The following CTTNBP2 variants were observed in gnomAD, a reference collection of about 807,000 sequenced individuals.
The protein encoded by CTTNBP2 is cortactin binding protein 2.
A neutral mutation model predicts 156.9 loss-of-function variants in CTTNBP2; 108 were observed. The ratio of observed to expected loss-of-function variants is 0.69; its 90% CI spans 0.59 to 0.81. CTTNBP2 has a LOEUF of 0.81. Ranked by LOEUF, CTTNBP2 falls within the 30% of genes least tolerant of loss-of-function variation. The probability of loss-of-function intolerance (pLI) is 0.00; values close to 1 mark genes in which losing one functional copy is unlikely to be tolerated. For synonymous variants in CTTNBP2, 767 were observed against 751.8 expected, an observed-to-expected ratio of 1.02 and a Z score of -0.33; for missense variants, 1,924 against 2,035.4, an observed-to-expected ratio of 0.95 and a Z score of 1.05.
chr7:117,802,248 T>C (rs1799661017), intron 3 of CTTNBP2, among the ~76,000 whole-genome samples: 2 of 151,898 alleles, frequency 1.3e-5, no homozygotes, highest in Admixed American at 6.6e-5. Flanking sequence ...TAGTAATCAC[T>C]TGAATATGAG....
At chr7:117,791,009 G>C (rs1374941353) in intron 4 of CTTNBP2, 119 bp downstream of exon 4, 1 of 778,210 alleles carries the variant, frequency 1.3e-6, no homozygotes, top group African/African-American at 1.7e-5. Flanking sequence ...AAAAGAAATG[G>C]GGGTGGGGGG....
At chr7:117,815,369 A>C (rs1800517294) in intron 2 of CTTNBP2, among the ~76,000 whole-genome samples, 1 of 152,128 alleles carries the variant, frequency 6.6e-6, no homozygotes, top group Non-Finnish European at 1.5e-5. Context: ...CCCACTAATA[A>C]CTAATTTTAA....
intron 16 of CTTNBP2, among the ~76,000 whole-genome samples, chr7:117,732,127 A>G (rs937219395): frequency 6.6e-6 from 1 of 152,114 alleles, no homozygotes; most frequent in Non-Finnish European, 1.5e-5. Context: ...CCTAAAAGTA[A>G]GGTCTCAGAT....
At chr7:117,786,117 A>G (rs1043169593) in intron 4 of CTTNBP2, among the ~76,000 whole-genome samples, 2 of 152,216 alleles carry the variant, frequency 1.3e-5, no homozygotes, top group Admixed American at 1.3e-4. Flanking sequence ...GGAACTTAGT[A>G]TTTAAAAAAT....
chr7:117,848,672 C>G (rs1160223094), intron 2 of CTTNBP2, among the ~76,000 whole-genome samples: 1 of 152,206 alleles, frequency 6.6e-6, no homozygotes, highest in Non-Finnish European at 1.5e-5. Flanking sequence ...AAACTTAGGA[C>G]TCTAATCATT....
intron 22 of CTTNBP2, among the ~76,000 whole-genome samples, chr7:117,717,174 T>C (rs1313763001): frequency 6.6e-6 from 1 of 152,196 alleles, no homozygotes; most frequent in Non-Finnish European, 1.5e-5. Context: ...CTGATAATGG[T>C]GCAGTGCTGT....
Position 117,754,121 on chromosome 7 carries a change from C to T in CTTNBP2, c.3348+2434G>A, listed in dbSNP as rs138290816. 2.5e-4 allele frequency among the ~76,000 whole-genome samples: 38 copies of T among 152,316 alleles called. 1 individual carries two copies. In the East Asian group the frequency reaches 6.2e-3, roughly 25 times the overall value. On this transcript the variant is annotated intron_variant, in intron 12 of 22. Transcript: ENST00000160373. ...ATTCCTGCATGATCTAGTTTCTGAT[C>T]ATTTCCCAGACTTCACTGTCAACCT...
chr7:117,717,488 AAATACAC>A (rs1400086020), intron 22 of CTTNBP2, among the ~76,000 whole-genome samples: 1 of 152,182 alleles, frequency 6.6e-6, no homozygotes, highest in Non-Finnish European at 1.5e-5. Context: ...TGTGATCTGG[AAATACAC>A]AATTCATAAA....
Position 117,719,544 on chromosome 7 carries a change from TG to T in CTTNBP2, c.4603del (p.Gln1535ArgfsTer22), listed in dbSNP as rs1794660583. 6.2e-7 allele frequency: 1 copy of T among 1,614,072 alleles called. No homozygotes were observed. ...CTCAGACTTGCTGGAGCACATGCTC[TG>T]AAGTTCCTTGACAAGATCTGCTTCG... ...DDEADLVKEL[Q>X]SMCSSKSESD... On this transcript the variant is annotated frameshift_variant, in exon 21 of 23. Transcript: ENST00000160373. LOFTEE classifies it high-confidence loss of function.
At chr7:117,733,189 G>A (rs1795499505) in intron 16 of CTTNBP2, among the ~76,000 whole-genome samples, 1 of 152,018 alleles carries the variant, frequency 6.6e-6, no homozygotes, top group African/African-American at 2.4e-5. Flanking sequence ...CTGATGTTTT[G>A]CAGGACTCAT....
intron 8 of CTTNBP2, among the ~76,000 whole-genome samples, chr7:117,773,917 C>T (rs901932424): frequency 2.0e-5 from 3 of 152,040 alleles, no homozygotes; most frequent in African/African-American, 4.8e-5. Context: ...ACCATAACCT[C>T]CTCCTGTAGT....
chr7:117,828,097 C>A (rs1212004407), intron 2 of CTTNBP2, among the ~76,000 whole-genome samples: 1 of 152,172 alleles, frequency 6.6e-6, no homozygotes, highest in Admixed American at 6.5e-5. Context: ...CACTCCATAT[C>A]AAAAGCAATC....
At chr7:117,794,465 C>G (rs1475079243) in intron 3 of CTTNBP2, among the ~76,000 whole-genome samples, 1 of 152,174 alleles carries the variant, frequency 6.6e-6, no homozygotes, top group Non-Finnish European at 1.5e-5. Flanking sequence ...AATATCCTCC[C>G]AAGAGAGTCA....
rs574339352 is a variant in CTTNBP2 at position 117,804,521 on chromosome 7, G to C, written c.414+6244C>G. ...AATAGCAAAGACACAGAATCAACCC[G>C]AATGCCCATCAGTGACAGACTGGAT... On this transcript the variant is annotated intron_variant, in intron 3 of 22. Transcript: ENST00000160373. Among the ~76,000 whole-genome samples, 17 of 152,174 alleles carry C rather than the reference G, an allele frequency of 1.1e-4. No individual in the cohort carries two copies. In the South Asian group the frequency reaches 1.5e-3, roughly 13 times the overall value.
At chr7:117,730,804 G>C (rs977223858) in intron 16 of CTTNBP2, among the ~76,000 whole-genome samples, 2 of 151,882 alleles carry the variant, frequency 1.3e-5, no homozygotes, top group Non-Finnish European at 1.5e-5. Flanking sequence ...GGTTTCCTGA[G>C]ATGGAAAAAA....
chr7:117,840,654 C>T (rs1191893934), intron 2 of CTTNBP2, among the ~76,000 whole-genome samples: 1 of 152,242 alleles, frequency 6.6e-6, no homozygotes, highest in Non-Finnish European at 1.5e-5. Context: ...TTTGCTGTGG[C>T]TGCAAAGCAT....
chr7:117,783,226 G>A (rs1346122432), intron 5 of CTTNBP2, among the ~76,000 whole-genome samples: 1 of 152,028 alleles, frequency 6.6e-6, no homozygotes, highest in Non-Finnish European at 1.5e-5. Context: ...TGTGCATTTT[G>A]GGAAGAGTTG....
chr7:117,770,957 T>C (rs545627874), intron 8 of CTTNBP2, among the ~76,000 whole-genome samples: 2 of 152,332 alleles, frequency 1.3e-5, no homozygotes, highest in South Asian at 4.1e-4. Context: ...TAGAGACATC[T>C]GCTATAACAG....
intron 2 of CTTNBP2, among the ~76,000 whole-genome samples, chr7:117,859,191 G>A (rs899464992): frequency 1.3e-5 from 2 of 152,052 alleles, no homozygotes; most frequent in Non-Finnish European, 1.5e-5. Flanking sequence ...TTATGAAAAG[G>A]AGACACCACA....
Sources: allele counts gnomAD v4.1 joint callset (sites outside exome capture counted in the v4.1 genomes callset), GRCh38; gene constraint gnomAD v4.1.1; transcripts MANE v1.5; gene names NCBI Gene and HGNC (gene_info 2026-07-23, HGNC 2026-07-21).